Variants in KCNH5 observed in about 807,000 individuals in gnomAD.
The protein encoded by KCNH5 is potassium voltage-gated channel subfamily H member 5, also known as voltage-gated delayed rectifier potassium channel KCNH5.
A neutral mutation model predicts 96.1 loss-of-function variants in KCNH5; 46 were observed. That is an observed-to-expected ratio of 0.48 (90% CI 0.38 to 0.61). The LOEUF (loss-of-function observed/expected upper bound fraction) is 0.61, where lower values mean the gene tolerates loss of function less well. Among genes scored for constraint, KCNH5 ranks in the 20% least tolerant of loss-of-function variants. The probability of loss-of-function intolerance (pLI) is 0.00; values close to 1 mark genes in which losing one functional copy is unlikely to be tolerated. For missense variants in KCNH5, 907 were observed against 1,225.8 expected, an observed-to-expected ratio of 0.74 and a Z score of 3.88; for synonymous variants, 439 against 449.8, an observed-to-expected ratio of 0.98 and a Z score of 0.30.
At chr14:62,884,661 T>G (rs372373624) in intron 7 of KCNH5, among the ~76,000 whole-genome samples, 3 of 152,258 alleles carry the variant, frequency 2.0e-5, no homozygotes, top group Admixed American at 6.5e-5. Context: ...AGTCTTTCCA[T>G]GTATACAGCT....
chr14:62,999,713 TG>T (rs1228919167), intron 4 of KCNH5, among the ~76,000 whole-genome samples: 3 of 63,936 alleles, frequency 4.7e-5, no homozygotes, highest in Non-Finnish European at 8.4e-5. Context: ...GGGACTGTTG[TG>T]GGGTGGGGGG....
chr14:62,814,519 C>A (rs1326237252), intron 8 of KCNH5, among the ~76,000 whole-genome samples: 3 of 151,974 alleles, frequency 2.0e-5, no homozygotes, highest in African/African-American at 7.2e-5. Context: ...TGGCCATGAT[C>A]TTTTTAGTCC....
intron 7 of KCNH5, among the ~76,000 whole-genome samples, chr14:62,947,876 T>C (rs1255977950): frequency 6.6e-6 from 1 of 152,154 alleles, no homozygotes; most frequent in Admixed American, 6.6e-5. Flanking sequence ...ATGCACATTG[T>C]GCAGGTTAGT....
intron 10 of KCNH5, among the ~76,000 whole-genome samples, chr14:62,730,120 G>A (rs920254328): frequency 6.6e-6 from 1 of 151,746 alleles, no homozygotes; most frequent in African/African-American, 2.4e-5. Context: ...AAATTGAAGT[G>A]AAAAATAAAA....
At chr14:62,987,704 A>G (rs185786672) in intron 4 of KCNH5, among the ~76,000 whole-genome samples, 51 of 152,224 alleles carry the variant, frequency 3.4e-4, no homozygotes, top group Middle Eastern at 3.4e-3. Flanking sequence ...AAGCTGCTGA[A>G]TAACTGTGTG....
intron 7 of KCNH5, among the ~76,000 whole-genome samples, chr14:62,912,037 C>CAAAAAAAAAAA (rs1163755853): frequency 1.3e-5 from 1 of 79,664 alleles, no homozygotes; most frequent in Non-Finnish European, 2.4e-5. Context: ...GACTCCTAAT[C>CAAAAAAAAAAA]AAAAAAAAAA....
intron 10 of KCNH5, among the ~76,000 whole-genome samples, chr14:62,720,044 T>C (rs1284323512): frequency 1.3e-5 from 2 of 152,120 alleles, no homozygotes; most frequent in African/African-American, 4.8e-5. Context: ...AAATAAAGTA[T>C]AAGGACATAG....
chr14:62,732,167 G>A (rs555397923), intron 10 of KCNH5, among the ~76,000 whole-genome samples: 2 of 152,060 alleles, frequency 1.3e-5, no homozygotes, highest in Non-Finnish European at 2.9e-5. Context: ...GGCATATCAC[G>A]TTTATGCCTT....
intron 6 of KCNH5, among the ~76,000 whole-genome samples, chr14:62,962,851 C>G (rs61051296): frequency 2.6e-4 from 40 of 152,248 alleles, no homozygotes; most frequent in African/African-American, 9.4e-4. Context: ...CTACAGTGTT[C>G]TTCCCAAAGG....
At chr14:62,776,404 T>C (rs1160733366) in intron 10 of KCNH5, among the ~76,000 whole-genome samples, 1 of 152,076 alleles carries the variant, frequency 6.6e-6, no homozygotes, top group Non-Finnish European at 1.5e-5. Flanking sequence ...AGTGAGAAGC[T>C]GGATATTTGC....
intron 7 of KCNH5, among the ~76,000 whole-genome samples, chr14:62,895,325 G>A (rs546481016): frequency 6.6e-6 from 1 of 151,324 alleles, no homozygotes; most frequent in Non-Finnish European, 1.5e-5. Context: ...AATTCATTCA[G>A]CATCATGACT....
chr14:63,006,204 T>C (rs543180939), intron 3 of KCNH5, among the ~76,000 whole-genome samples, 162 bp downstream of exon 3: 21 of 152,180 alleles, frequency 1.4e-4, no homozygotes, highest in Non-Finnish European at 2.6e-4. Context: ...GGTAGAATTA[T>C]TTATTAATTT....
chr14:62,815,744 C>A (rs2140011872), intron 8 of KCNH5, among the ~76,000 whole-genome samples: 1 of 151,880 alleles, frequency 6.6e-6, no homozygotes, highest in East Asian at 1.9e-4. Context: ...TTAGAGATGC[C>A]AAATAAATTA....
At chr14:62,956,215 G>A (rs917550559) in intron 6 of KCNH5, among the ~76,000 whole-genome samples, 2 of 151,946 alleles carry the variant, frequency 1.3e-5, no homozygotes, top group Admixed American at 1.3e-4. Context: ...ACTCCTTTTT[G>A]CCCCCAAACA....
chr14:62,998,358 G>T (rs1237250159), intron 4 of KCNH5, among the ~76,000 whole-genome samples: 1 of 151,964 alleles, frequency 6.6e-6, no homozygotes, highest in African/African-American at 2.4e-5. Context: ...TTCTCAGTTA[G>T]CCTGGCTAGA....
intron 8 of KCNH5, among the ~76,000 whole-genome samples, chr14:62,847,569 A>G (rs2355740): frequency 0.033 from 5,016 of 152,296 alleles, 295 homozygotes; most frequent in African/African-American, 0.11. Flanking sequence ...TTCTCCTATT[A>G]GTCAAAAACA....
intron 7 of KCNH5, among the ~76,000 whole-genome samples, chr14:62,932,785 G>T (rs1889605701): frequency 6.6e-6 from 1 of 152,052 alleles, no homozygotes; most frequent in African/African-American, 2.4e-5. Context: ...CTCAAATGGA[G>T]TCCTCTGAAC....
rs1886525732 is a variant in KCNH5 at position 62,795,621 on chromosome 14, CT to C, written c.1822+6707del. 2.0e-5 allele frequency among the ~76,000 whole-genome samples: 3 copies of C among 152,242 alleles called. No homozygotes were observed. The South Asian group carries it at 6.2e-4, about 32-fold the overall frequency. On this transcript the variant is annotated intron_variant, in intron 9 of 10. Coordinates refer to ENST00000322893, the MANE Select transcript of KCNH5 (RefSeq NM_139318.5). ...TGTGAGGGTGTTCTGAAACCAATCC[CT>C]TGTGGATACCAAGTAACAGCTGTAC...
intron 1 of KCNH5, among the ~76,000 whole-genome samples, chr14:63,040,125 C>T (rs1304577910): frequency 6.6e-6 from 1 of 152,030 alleles, no homozygotes; most frequent in East Asian, 1.9e-4. Context: ...ACTGACTAAA[C>T]TAAAGGGCTT....
Sources: allele counts gnomAD v4.1 joint callset (sites outside exome capture counted in the v4.1 genomes callset), GRCh38; gene constraint gnomAD v4.1.1; transcripts MANE v1.5; gene names NCBI Gene and HGNC (gene_info 2026-07-23, HGNC 2026-07-21).